SPAST: variants seen among roughly 807,000 people sequenced by gnomAD.
SPAST encodes the protein spastic paraplegia 4 (autosomal dominant; spastin).
In SPAST, 30 loss-of-function variants were observed where a neutral mutation model predicts 76.6. The observed-to-expected ratio is 0.39, with a 90% CI of 0.29 to 0.53. The LOEUF (loss-of-function observed/expected upper bound fraction) is 0.53. Ranked by LOEUF, SPAST falls within the 20% of genes least tolerant of loss-of-function variation. The pLI is 0.68. For synonymous variants in SPAST, 305 were observed against 281.0 expected (o/e 1.09, Z -0.86); for missense variants, 717 against 770.5 (o/e 0.93, Z 0.82).
At chr2:32,097,965 T>TTACAGACTCCCAAA (rs1290789729) in intron 3 of SPAST, among the ~76,000 whole-genome samples, 1 of 152,108 alleles carries the variant, frequency 6.6e-6, no homozygotes, top group Non-Finnish European at 1.5e-5. Context: ...CCCAAAGTGC[T>TTACAGACTCCCAAA]GGGATTACAG....
rs757768240 is a variant in SPAST at position 32,098,784 on chromosome 2, T to A, written c.587-12T>A. The A allele has an allele frequency of 2.6e-6, 4 of 1,567,244 alleles. No individual in the cohort carries two copies. In the South Asian group the frequency reaches 4.4e-5, roughly 17 times the overall value. ...TTTATTTTTTCTGTTTTTTACCTTC[T>A]CTGTTGCATAGAGAAGATGCAACCA... On this transcript the variant is annotated splice_polypyrimidine_tract_variant and intron_variant, in intron 3 of 16. Transcript: ENST00000315285.
chr2:32,125,608 T>TCTG (rs2148743451), intron 7 of SPAST, among the ~76,000 whole-genome samples: 1 of 151,966 alleles, frequency 6.6e-6, no homozygotes, highest in South Asian at 2.1e-4. Context: ...AAAGTGTAGG[T>TCTG]GAGATGTTTT....
intron 16 of SPAST, among the ~76,000 whole-genome samples, chr2:32,153,143 AGAT>A (rs1198412898): frequency 6.6e-6 from 1 of 152,142 alleles, no homozygotes; most frequent in Admixed American, 6.6e-5. Context: ...GAGATATCAA[AGAT>A]GATATGAAGT....
Position 32,128,403 on chromosome 2 carries a change from T to C in SPAST, c.1174-5T>C, listed in dbSNP as rs1271850172. 1.9e-6 allele frequency: 3 copies of C among 1,602,638 alleles called. No homozygotes were observed. Reference sequence around the variant, plus strand: ...ATTTAATATTTGCTCTTGTGATTTTTAAAGGCTAAAGCAGTAGCTGCAGAA... The same window carrying C: ...ATTTAATATTTGCTCTTGTGATTTTCAAAGGCTAAAGCAGTAGCTGCAGAA... On this transcript the variant is annotated splice_polypyrimidine_tract_variant and splice_region_variant and intron_variant, in intron 8 of 16. Transcript: ENST00000315285.
rs35879561 is a variant in SPAST, at chr2:32,093,006, C to CAA, written c.586+3413_586+3414dup. 3.0e-3 allele frequency among the ~76,000 whole-genome samples: 373 copies of CAA among 122,988 alleles called. 5 individuals carry two copies. Among genetic ancestry groups the CAA allele is most frequent in the South Asian group, 8.9e-3 (33 of 3,728 alleles). 80.7% of individuals were successfully genotyped at this position (122,988 alleles called of 152,430 possible). A position where few individuals can be genotyped will look rare whatever the true frequency, so the allele number is the denominator to read the frequency against. On this transcript the variant is annotated intron_variant, in intron 3 of 16. Transcript: ENST00000315285. ...TGGGTGACAGAGAGAGACTCCGTCT[C>CAA]AAAAAAAAAAAAACGCCGGGCACTG...
At chr2:32,069,028 A>G (rs992006475) in intron 1 of SPAST, among the ~76,000 whole-genome samples, 1 of 151,964 alleles carries the variant, frequency 6.6e-6, no homozygotes, top group Non-Finnish European at 1.5e-5. Context: ...TGGCCAACAT[A>G]TTAGTGAAAC....
chr2:32,086,664 A>G (rs917751053), intron 1 of SPAST, among the ~76,000 whole-genome samples: 3 of 151,956 alleles, frequency 2.0e-5, no homozygotes, highest in Non-Finnish European at 2.9e-5. Flanking sequence ...AGGCTGAGAC[A>G]GCAGAATCGC....
intron 1 of SPAST, among the ~76,000 whole-genome samples, chr2:32,070,053 CT>C: frequency 1.5e-5 from 2 of 137,588 alleles, no homozygotes; most frequent in Non-Finnish European, 3.1e-5. Flanking sequence ...TTATGGCATA[CT>C]AAAAAAAAAA....
Position 32,087,540 on chromosome 2 carries a change from A to G in SPAST, c.464A>G (p.Glu155Gly). ...GAATGGTATAAGAAAGGTATTGAAG[A>G]ACTGGAAAAAGGAATAGCTGTTATA... Reference protein sequence around the residue: ...AVEWYKKGIEELEKGIAVIVT... With the variant: ...AVEWYKKGIEGLEKGIAVIVT... Residue 155 changes from glutamate (E) to glycine (G), a missense_variant, in exon 2 of 17, where the codon GAA (glutamate) becomes GGA (glycine). This residue lies in a region of SPAST where 543 missense variants were observed against 445.2 expected (regional missense o/e 1.22). Coordinates refer to ENST00000315285, the MANE Select transcript of SPAST (RefSeq NM_014946.4). The G allele has an allele frequency of 6.2e-7, 1 of 1,608,988 alleles. No homozygotes were observed. The highest frequency in any genetic ancestry group is 8.5e-7 in the Non-Finnish European group (1 of 1,176,164).
intron 9 of SPAST, among the ~76,000 whole-genome samples, chr2:32,134,220 G>T (rs1293162874): frequency 6.6e-6 from 1 of 151,842 alleles, no homozygotes; most frequent in Non-Finnish European, 1.5e-5. Context: ...AAATTCTGGG[G>T]GGCCGAATGC....
chr2:32,128,810 G>A (rs1299429431), intron 9 of SPAST: 1 of 337,496 alleles, frequency 3.0e-6, no homozygotes, highest in Non-Finnish European at 5.6e-6. Flanking sequence ...AGGGCTGTGA[G>A]GGAAAATGTA....
At chr2:32,116,492 C>T (rs1420132804) in intron 7 of SPAST, among the ~76,000 whole-genome samples, 3 of 152,128 alleles carry the variant, frequency 2.0e-5, no homozygotes, top group African/African-American at 4.8e-5. Flanking sequence ...GACGGAGTCT[C>T]ACTCATTGTG....
chr2:32,106,697 C>T (rs1212873174), intron 4 of SPAST, among the ~76,000 whole-genome samples: 3 of 152,048 alleles, frequency 2.0e-5, no homozygotes, highest in East Asian at 1.9e-4. Flanking sequence ...CAACTCTTTC[C>T]CTTGTGGCTT....
chr2:32,103,266 A>G (rs1678195097), intron 4 of SPAST, among the ~76,000 whole-genome samples: 1 of 152,170 alleles, frequency 6.6e-6, no homozygotes, highest in Non-Finnish European at 1.5e-5. Flanking sequence ...AGGTGTTTAT[A>G]GTATTCTCTG....
chr2:32,137,373 G>A (rs562978632), intron 12 of SPAST, among the ~76,000 whole-genome samples, 185 bp downstream of exon 12: 1 of 152,310 alleles, frequency 6.6e-6, no homozygotes, highest in South Asian at 2.1e-4. Context: ...GATATCAGGA[G>A]AATTAGTCTA....
At position 32,125,502 on chromosome 2, in the gene SPAST, C is replaced by T. The variant is rs147402508; in HGVS notation, c.1099-1446C>T. On this transcript the variant is annotated intron_variant, in intron 7 of 16. Coordinates refer to ENST00000315285, the MANE Select transcript of SPAST (RefSeq NM_014946.4). ...CCTCCCAAAGTGCTGTGATTATAGG[C>T]GTGAGCCACTGCGCCCAGCAGGTTT... 6.6e-3 allele frequency among the ~76,000 whole-genome samples: 1,004 copies of T among 152,106 alleles called. 15 individuals carry two copies. Among genetic ancestry groups the T allele is most frequent in the African/African-American group, 0.023 (968 of 41,508 alleles).
intron 3 of SPAST, among the ~76,000 whole-genome samples, chr2:32,095,195 G>A (rs901124126): frequency 2.6e-5 from 4 of 152,054 alleles, no homozygotes; most frequent in Admixed American, 1.3e-4. Context: ...GTTGAAGGTC[G>A]AACAACTAGA....
intron 13 of SPAST, among the ~76,000 whole-genome samples, chr2:32,142,372 A>G (rs1330326933): frequency 3.3e-5 from 5 of 152,226 alleles, no homozygotes; most frequent in African/African-American, 1.2e-4. Flanking sequence ...TATGTCGCAT[A>G]TCATAGGATT....
Position 32,096,962 on chromosome 2 carries a change from A to G in SPAST, c.587-1834A>G, listed in dbSNP as rs570916013. 3.9e-5 allele frequency among the ~76,000 whole-genome samples: 6 copies of G among 152,152 alleles called. No individual in the cohort carries two copies. The East Asian group carries it at 9.6e-4, about 24-fold the overall frequency. On this transcript the variant is annotated intron_variant, in intron 3 of 16. Transcript: ENST00000315285. ...CATGCAGTACTTTGTGTTTTGTGCC[A>G]AAAAGGGTAGCTGCTATTTGACCTG...
Sources: allele counts gnomAD v4.1 joint callset (sites outside exome capture counted in the v4.1 genomes callset), GRCh38; gene constraint gnomAD v4.1.1; regional missense constraint gnomAD v4.1.1; transcripts MANE v1.5; gene names NCBI Gene and HGNC (gene_info 2026-07-23, HGNC 2026-07-21).